The following GDPGP1 variants were observed in gnomAD, a reference collection of about 807,000 sequenced individuals.
GDPGP1 encodes the protein GDP-D-glucose phosphorylase 1.
Under a neutral mutation model 19.2 loss-of-function variants are expected in GDPGP1, and 18 were observed. The observed-to-expected ratio is 0.94, with a 90% CI of 0.65 to 1.39. GDPGP1 has a LOEUF of 1.39. Among genes scored for constraint, GDPGP1 ranks in the 40% most tolerant of loss-of-function variants. The pLI, the probability that GDPGP1 is intolerant of heterozygous loss-of-function variation, is 0.00. For synonymous variants in GDPGP1, 219 were observed against 208.9 expected (o/e 1.05, Z -0.42); for missense variants, 449 against 490.5 (o/e 0.92, Z 0.80).
At chr15:90,237,224 G>T (rs1962654003) in intron 2 of GDPGP1, among the ~76,000 whole-genome samples, 1 of 151,192 alleles carries the variant, frequency 6.6e-6, no homozygotes, top group Non-Finnish European at 1.5e-5. Context: ...CCCCCAGAGT[G>T]CTGGGATTAC....
At chr15:90,234,916 AGGAGGAAGT>A (rs890142141) in intron 2 of GDPGP1, among the ~76,000 whole-genome samples, 40 of 152,330 alleles carry the variant, frequency 2.6e-4, no homozygotes, top group African/African-American at 9.4e-4. Context: ...AACTGCTGGG[AGGAGGAAGT>A]GGAGGTTGTG....
chr15:90,245,330 CT>C lies in GDPGP1; in HGVS notation c.*3265del, dbSNP rs1380496897. On this transcript the variant is annotated 3_prime_UTR_variant, in exon 4 of 4. Coordinates refer to ENST00000329600, the MANE Select transcript of GDPGP1 (RefSeq NM_001013657.3). ...TCTCTACTAAAAACACAAAAATTAG[CT>C]GGGTGTGGGTGCACATCTATAGTCC... The C allele has an allele frequency of 6.6e-6, 1 of 152,068 alleles. No homozygotes were observed. Among genetic ancestry groups the C allele is most frequent in the Admixed American group, 6.6e-5 (1 of 15,246 alleles). 9.4% of individuals were successfully genotyped at this position (152,068 alleles called of 1,614,324 possible).
intron 3 of GDPGP1, among the ~76,000 whole-genome samples, 165 bp from the exon 4 acceptor site, chr15:90,240,735 C>T (rs1002399572): frequency 2.3e-4 from 35 of 151,956 alleles, no homozygotes; most frequent in Non-Finnish European, 3.7e-4. Flanking sequence ...ACCGCTTGAA[C>T]CCAGGAGGCG....
rs1337663696 is a variant in GDPGP1 at position 90,245,497 on chromosome 15, A to G, written c.*3431A>G. ...CAAAAAAAAAAAAAAAGAAAAAAAC[A>G]GTTTACCATTCTATCAGAAAATGTT... On this transcript the variant is annotated 3_prime_UTR_variant, in exon 4 of 4. Transcript: ENST00000329600. The G allele has an allele frequency of 1.3e-5, 2 of 151,780 alleles. No individual in the cohort carries two copies. Among genetic ancestry groups the G allele is most frequent in the Non-Finnish European group, 2.9e-5 (2 of 67,920 alleles). 9.4% of individuals were successfully genotyped at this position (151,780 alleles called of 1,614,324 possible).
At position 90,243,422 on chromosome 15, in the gene GDPGP1, CT is replaced by C. The variant is rs1358127863; in HGVS notation, c.*1357del. On this transcript the variant is annotated 3_prime_UTR_variant, in exon 4 of 4. Transcript: ENST00000329600. Reference sequence around the variant, plus strand: ...GGTGCAGTGGTGCAATCACAGCTCACTGCAGACCCAAACTCTTGGTCTCAAG... The same window carrying C: ...GGTGCAGTGGTGCAATCACAGCTCACGCAGACCCAAACTCTTGGTCTCAAG... 3 of 152,204 alleles carry C rather than the reference CT, an allele frequency of 2.0e-5. No homozygotes were observed. The highest frequency in any genetic ancestry group is 4.4e-5 in the Non-Finnish European group (3 of 68,098). 9.4% of individuals were successfully genotyped at this position (152,204 alleles called of 1,614,324 possible).
At chr15:90,237,062 G>A (rs190966105) in intron 2 of GDPGP1, among the ~76,000 whole-genome samples, 29 of 152,010 alleles carry the variant, frequency 1.9e-4, no homozygotes, top group Admixed American at 1.4e-3. Flanking sequence ...AGATTCAAGC[G>A]ATTCTCCTGC....
Position 90,241,889 on chromosome 15 carries a change from T to C in GDPGP1, c.981T>C (p.Ala327=). ...GCTTTGGGATAAAGGACGGTGAAGC[T>C]TTCAATGTTGCCCTCTGTGAGCTGG... is the stretch of plus-strand genomic sequence containing the variant. ...KSSFGIKDGE[A]FNVALCELAG... is the part of the protein sequence containing the mutation. The change falls in exon 4 of 4, where the codon GCT becomes GCC. Residue 327 remains alanine (A), a synonymous_variant. Coordinates refer to ENST00000329600, the MANE Select transcript of GDPGP1 (RefSeq NM_001013657.3). The C allele has an allele frequency of 6.2e-7, 1 of 1,614,104 alleles. No individual in the cohort carries two copies. The highest frequency in any genetic ancestry group is 8.5e-7 in the Non-Finnish European group (1 of 1,180,006).
chr15:90,236,355 T>C (rs982600124), intron 2 of GDPGP1, among the ~76,000 whole-genome samples: 1 of 152,194 alleles, frequency 6.6e-6, no homozygotes, highest in African/African-American at 2.4e-5. Context: ...CTCTTTATAG[T>C]GAAGACATGA....
rs1962845413 is a variant in GDPGP1 at position 90,245,519 on chromosome 15, T to C, written c.*3453T>C. 6.7e-6 allele frequency: 1 copy of C among 149,490 alleles called. No homozygotes were observed. 9.3% of individuals were successfully genotyped at this position (149,490 alleles called of 1,614,324 possible). A position where few individuals can be genotyped will look rare whatever the true frequency, so the allele number is the denominator to read the frequency against. ...AACAGTTTACCATTCTATCAGAAAATGTTGACCACCCTCATATTTTTGGTA... is the reference window on the plus strand; with the variant it reads ...AACAGTTTACCATTCTATCAGAAAACGTTGACCACCCTCATATTTTTGGTA... On this transcript the variant is annotated 3_prime_UTR_variant, in exon 4 of 4. Transcript: ENST00000329600.
At chr15:90,239,403 A>C (rs1962703876) in intron 3 of GDPGP1, among the ~76,000 whole-genome samples, 1 of 151,930 alleles carries the variant, frequency 6.6e-6, no homozygotes, top group Non-Finnish European at 1.5e-5. Flanking sequence ...TAAAGGAAAG[A>C]GGTTTTATTG....
rs2151641994 is a variant in GDPGP1, at chr15:90,245,071, G to T, written c.*3005G>T. ...CAGGTCGTTGGCTCCCTATACCTAG[G>T]CCTGTATAAAGCCTTAGTTTCCAGT... On this transcript the variant is annotated 3_prime_UTR_variant, in exon 4 of 4. Coordinates refer to ENST00000329600, the MANE Select transcript of GDPGP1 (RefSeq NM_001013657.3). 6.6e-6 allele frequency: 1 copy of T among 152,328 alleles called. No individual in the cohort carries two copies. Among genetic ancestry groups the T allele is most frequent in the African/African-American group, 2.4e-5 (1 of 41,550 alleles). The allele number at this position is 152,328 out of a possible 1,614,324, so 9.4% of individuals were successfully genotyped here.
In GDPGP1 at chr15:90,241,282, A is replaced by C; in HGVS notation, c.374A>C (p.Asn125Thr). The change falls in exon 4 of 4, where the codon AAC becomes ACC. Residue 125 changes from asparagine to threonine, a missense_variant. Coordinates refer to ENST00000329600, the MANE Select transcript of GDPGP1 (RefSeq NM_001013657.3). ...CAGGCATTTGACCCTGTACAGTTCA[A>C]CTTCAACAAGATCCGGCCCGGAGAA... ...VRQAFDPVQF[N>T]FNKIRPGEVL... The C allele has an allele frequency of 4.3e-6, 7 of 1,614,140 alleles. No homozygotes were observed. Among genetic ancestry groups the C allele is most frequent in the Middle Eastern group, 1.6e-4 (1 of 6,062 alleles).
At position 90,243,007 on chromosome 15, in the gene GDPGP1, G is replaced by A. The variant is rs988317537; in HGVS notation, c.*941G>A. 21 of 151,584 alleles carry A rather than the reference G, an allele frequency of 1.4e-4. No homozygotes were observed. Among genetic ancestry groups the A allele is most frequent in the Admixed American group, 2.6e-4 (4 of 15,240 alleles). 9.4% of individuals were successfully genotyped at this position (151,584 alleles called of 1,614,324 possible). Reference sequence around the variant, plus strand: ...ATGAATGTATCTGCTACCTCTCCCCGTTCTTGTTCAAGCCCCAGGGGTGTT... The same window carrying A: ...ATGAATGTATCTGCTACCTCTCCCCATTCTTGTTCAAGCCCCAGGGGTGTT... On this transcript the variant is annotated 3_prime_UTR_variant, in exon 4 of 4. Coordinates refer to ENST00000329600, the MANE Select transcript of GDPGP1 (RefSeq NM_001013657.3).
At chr15:90,237,066 C>T (rs1056519275) in intron 2 of GDPGP1, among the ~76,000 whole-genome samples, 4 of 152,022 alleles carry the variant, frequency 2.6e-5, no homozygotes, top group Admixed American at 1.3e-4. Flanking sequence ...TCAAGCGATT[C>T]TCCTGCCTTA....
rs528831907 is a variant in GDPGP1, at chr15:90,242,765, A to C, written c.*699A>C. The stretch of plus-strand genomic sequence containing the variant: ...CCCAGCCAGGATGTATTCATTTTCT[A>C]CCTGATGAGTCCCTTTCCAGAGCAC... On this transcript the variant is annotated 3_prime_UTR_variant, in exon 4 of 4. Coordinates refer to ENST00000329600, the MANE Select transcript of GDPGP1 (RefSeq NM_001013657.3). 1 of 152,268 alleles carries C rather than the reference A, an allele frequency of 6.6e-6. No individual in the cohort carries two copies. The highest frequency in any genetic ancestry group is 2.4e-5 in the African/African-American group (1 of 41,532). 9.4% of individuals were successfully genotyped at this position (152,268 alleles called of 1,614,324 possible).
rs1158656308 is a variant in GDPGP1, at chr15:90,243,332, AAC to A, written c.*1270_*1271del. 1 of 152,110 alleles carries A rather than the reference AAC, an allele frequency of 6.6e-6. No individual in the cohort carries two copies. Among genetic ancestry groups the A allele is most frequent in the Non-Finnish European group, 1.5e-5 (1 of 68,052 alleles). 9.4% of individuals were successfully genotyped at this position (152,110 alleles called of 1,614,324 possible). A position where few individuals can be genotyped will look rare whatever the true frequency, so the allele number is the denominator to read the frequency against. ...CTTCACTGACATCATCTGATGTAAA[AAC>A]ACAGTGTTGTCACAACTTTCCGGGT... is the stretch of plus-strand genomic sequence containing the variant. On this transcript the variant is annotated 3_prime_UTR_variant, in exon 4 of 4. Transcript: ENST00000329600.
Position 90,241,486 on chromosome 15 carries a change from T to C in GDPGP1, c.578T>C (p.Val193Ala), listed in dbSNP as rs760006537. 3.7e-6 allele frequency: 6 copies of C among 1,613,782 alleles called. No individual in the cohort carries two copies. The South Asian group carries it at 4.4e-5, about 12-fold the overall frequency. The change falls in exon 4 of 4, where the codon GTG becomes GCG. Residue 193 changes from valine (V) to alanine (A), a missense_variant. Transcript: ENST00000329600. ...PGALRAGIEA[V>A]LLSLHPGFRV... ...GCACTGAGGGCAGGGATTGAGGCTGTGCTGCTGAGCTTACACCCGGGCTTC... is the reference window on the plus strand; with the variant it reads ...GCACTGAGGGCAGGGATTGAGGCTGCGCTGCTGAGCTTACACCCGGGCTTC...
rs1451650419 is a variant in GDPGP1, at chr15:90,244,561, C to A, written c.*2495C>A. The A allele has an allele frequency of 2.0e-5, 3 of 152,148 alleles. No individual in the cohort carries two copies. Among genetic ancestry groups the A allele is most frequent in the Non-Finnish European group, 2.9e-5 (2 of 68,036 alleles). 9.4% of individuals were successfully genotyped at this position (152,148 alleles called of 1,614,324 possible). A position where few individuals can be genotyped will look rare whatever the true frequency, so the allele number is the denominator to read the frequency against. On this transcript the variant is annotated 3_prime_UTR_variant, in exon 4 of 4. Transcript: ENST00000329600. ...CTTGGGTTGGCTGGGCACGTTGGCT[C>A]ACACCTTTAATCCTAGCACTTTGGG...
intron 2 of GDPGP1, among the ~76,000 whole-genome samples, chr15:90,237,240 T>G (rs1312898096): frequency 1.3e-5 from 2 of 151,234 alleles, no homozygotes; most frequent in Non-Finnish European, 2.9e-5. Flanking sequence ...ATTACAGGCG[T>G]GAGCCACCGT....
Sources: gnomAD v4.1 joint callset for allele counts (sites outside exome capture counted in the v4.1 genomes callset) on GRCh38, gnomAD v4.1.1 for gene constraint, MANE v1.5 for transcripts, NCBI Gene and HGNC (gene_info 2026-07-23, HGNC 2026-07-21) for gene names.